The following CPXM2 variants were observed in gnomAD, a reference collection of about 807,000 sequenced individuals.
CPXM2 encodes inactive carboxypeptidase-like protein X2.
CPXM2 carries 66 observed loss-of-function variants against 86.1 expected under a neutral mutation model. The ratio of observed to expected loss-of-function variants is 0.77; its 90% CI spans 0.63 to 0.94. CPXM2 has a LOEUF of 0.94. Ranked by LOEUF, CPXM2 falls within the 40% of genes least tolerant of loss-of-function variation. CPXM2 has a pLI of 0.00. For synonymous variants in CPXM2, 388 were observed against 400.2 expected (o/e 0.97, Z 0.36); for missense variants, 948 against 1,026.3 (o/e 0.92, Z 1.04).
intron 3 of CPXM2, among the ~76,000 whole-genome samples, chr10:123,847,777 T>C (rs938744993): frequency 3.9e-5 from 6 of 152,224 alleles, no homozygotes; most frequent in African/African-American, 1.4e-4. Flanking sequence ...TTTTCAGGTA[T>C]CTACAGAGCA....
chr10:123,889,110 G>A (rs1945225011), intron 1 of CPXM2, among the ~76,000 whole-genome samples: 1 of 152,202 alleles, frequency 6.6e-6, no homozygotes, highest in Non-Finnish European at 1.5e-5. Flanking sequence ...AGTGGCAAGA[G>A]CTGTTTCTCC....
At chr10:123,780,477 C>G (rs1846908110) in intron 6 of CPXM2, among the ~76,000 whole-genome samples, 1 of 152,170 alleles carries the variant, frequency 6.6e-6, no homozygotes, top group South Asian at 2.1e-4. Flanking sequence ...AATCTCCGCT[C>G]TTCTACTTAC....
intron 2 of CPXM2, among the ~76,000 whole-genome samples, chr10:123,863,090 C>T (rs1440830402): frequency 6.6e-6 from 1 of 152,152 alleles, no homozygotes; most frequent in Admixed American, 6.5e-5. Context: ...TTATATTGTG[C>T]ATGCTAATGA....
At chr10:123,759,235 G>A (rs910624562) in intron 11 of CPXM2, among the ~76,000 whole-genome samples, 13 of 152,194 alleles carry the variant, frequency 8.5e-5, no homozygotes, top group Admixed American at 6.5e-4. Flanking sequence ...AGTGCAAGAA[G>A]GCCAGGGGGC....
At chr10:123,907,374 T>C (rs28697088) in intron 2 of CPXM2, among the ~76,000 whole-genome samples, 1 of 152,258 alleles carries the variant, frequency 6.6e-6, no homozygotes, top group African/African-American at 2.4e-5. Flanking sequence ...ATTTCTGTGC[T>C]TTATGCAATG....
intron 7 of CPXM2, among the ~76,000 whole-genome samples, chr10:123,773,210 T>G (rs1481546944): frequency 1.4e-5 from 2 of 147,238 alleles, no homozygotes; most frequent in African/African-American, 4.9e-5. Flanking sequence ...ATTGTGGTCA[T>G]CAGCTCCCTC....
intron 2 of CPXM2, among the ~76,000 whole-genome samples, chr10:123,926,389 T>C (rs574520328): frequency 1.4e-4 from 22 of 152,370 alleles, no homozygotes; most frequent in African/African-American, 5.0e-4. Context: ...GGCATACCTC[T>C]ACCATGGCAC....
At chr10:123,866,973 G>A (rs1944803043) in intron 2 of CPXM2, among the ~76,000 whole-genome samples, 1 of 152,122 alleles carries the variant, frequency 6.6e-6, no homozygotes, top group African/African-American at 2.4e-5. Context: ...TATTTTCCAT[G>A]AGCATCAGGG....
chr10:123,842,832 T>C (rs1203564240), intron 3 of CPXM2, among the ~76,000 whole-genome samples: 1 of 152,176 alleles, frequency 6.6e-6, no homozygotes, highest in Non-Finnish European at 1.5e-5. Flanking sequence ...CAAAGGTGAA[T>C]CGTTCCCTCC....
intron 3 of CPXM2, among the ~76,000 whole-genome samples, chr10:123,854,851 T>C (rs1848685876): frequency 6.6e-6 from 1 of 151,942 alleles, no homozygotes; most frequent in African/African-American, 2.4e-5. Flanking sequence ...CATATGAAAT[T>C]TAATAACATA....
chr10:123,770,463 G>A (rs1050509491), intron 8 of CPXM2, among the ~76,000 whole-genome samples: 2 of 152,188 alleles, frequency 1.3e-5, no homozygotes, highest in African/African-American at 4.8e-5. Context: ...ACCTATACAG[G>A]TGCAGGCTGG....
chr10:123,911,438 C>A (rs1945487304), intron 2 of CPXM2, among the ~76,000 whole-genome samples: 1 of 152,020 alleles, frequency 6.6e-6, no homozygotes, highest in South Asian at 2.1e-4. Flanking sequence ...TGAAGTTTCT[C>A]AGAGGAAAGA....
At chr10:123,752,636 G>T in intron 13 of CPXM2, 6 of 984,874 alleles carry the variant, frequency 6.1e-6, no homozygotes, top group Non-Finnish European at 7.2e-6. Flanking sequence ...AGGATCATGG[G>T]AACAGTTTGC....
intron 2 of CPXM2, among the ~76,000 whole-genome samples, chr10:123,879,623 T>C (rs1221903125): frequency 6.6e-6 from 1 of 152,148 alleles, no homozygotes; most frequent in Non-Finnish European, 1.5e-5. Flanking sequence ...TTACCACAGT[T>C]TAGATAATAA....
At chr10:123,927,394 T>C (rs913283184) in intron 2 of CPXM2, among the ~76,000 whole-genome samples, 1 of 152,208 alleles carries the variant, frequency 6.6e-6, no homozygotes, top group East Asian at 1.9e-4. Flanking sequence ...AGCCAATTCT[T>C]ACAATCAGAG....
chr10:123,853,386 T>G (rs773871053), intron 3 of CPXM2, among the ~76,000 whole-genome samples: 8 of 152,208 alleles, frequency 5.3e-5, no homozygotes, highest in Non-Finnish European at 1.2e-4. Flanking sequence ...GAACACAAGC[T>G]TCAAGGTGGC....
At chr10:123,811,131 A>AT (rs371020084) in intron 4 of CPXM2, among the ~76,000 whole-genome samples, 20 of 102,856 alleles carry the variant, frequency 1.9e-4, no homozygotes, top group Admixed American at 2.4e-4. Flanking sequence ...TCACAAAATC[A>AT]TTTTTTTTTT....
At chr10:123,768,748 C>T (rs774973935) in intron 8 of CPXM2, 26 bp from the exon 9 acceptor site, 27 of 1,598,988 alleles carry the variant, frequency 1.7e-5, no homozygotes, top group Non-Finnish European at 2.1e-5. Context: ...GAGAGAAGCA[C>T]AGGTTCACGT....
At position 123,762,280 on chromosome 10, in the gene CPXM2, T is replaced by TA. The variant is rs963105540; in HGVS notation, c.1480-112dup. ...CAGTGCTTTTGTGGAATAATCTTAG[T>TA]AAAGTTCAGAATTTCAAAACCAATT... On this transcript the variant is annotated intron_variant, in intron 10 of 13. Coordinates refer to ENST00000241305, the MANE Select transcript of CPXM2 (RefSeq NM_198148.3). The TA allele has an allele frequency of 2.7e-6, 4 of 1,464,696 alleles. No individual in the cohort carries two copies. In the African/African-American group the frequency reaches 5.6e-5, roughly 21 times the overall value. 90.7% of individuals were successfully genotyped at this position (1,464,696 alleles called of 1,614,324 possible). A position where few individuals can be genotyped will look rare whatever the true frequency, so the allele number is the denominator to read the frequency against.
Sources: allele counts gnomAD v4.1 joint callset (sites outside exome capture counted in the v4.1 genomes callset), GRCh38; gene constraint gnomAD v4.1.1; transcripts MANE v1.5; gene names NCBI Gene and HGNC (gene_info 2026-07-23, HGNC 2026-07-21).